The following SF3B3 variants were observed in gnomAD, a reference collection of about 807,000 sequenced individuals.
SF3B3 encodes SAP 130.
SF3B3 carries 33 observed loss-of-function variants against 139.2 expected under a neutral mutation model. The ratio of observed to expected loss-of-function variants is 0.24; its 90% confidence interval spans 0.18 to 0.32. SF3B3 has a LOEUF of 0.32. SF3B3 is among the 10% of genes least tolerant of loss of function. The pLI is 1.00. For synonymous variants in SF3B3, 596 were observed against 563.6 expected (o/e 1.06, Z -0.81); for missense variants, 818 against 1,509.4 (o/e 0.54, Z 7.59).
At chr16:70,569,278 T>TA (rs2050506415) in intron 23 of SF3B3, 137 bp downstream of exon 23, 3 of 587,860 alleles carry the variant, frequency 5.1e-6, no homozygotes, top group Non-Finnish European at 8.9e-6. Flanking sequence ...AGTCCTTTCT[T>TA]ACCAATCTGC....
At chr16:70,527,974 A>C (rs2050080832) in intron 2 of SF3B3, among the ~76,000 whole-genome samples, 1 of 151,572 alleles carries the variant, frequency 6.6e-6, no homozygotes, top group African/African-American at 2.4e-5. Context: ...ATGAGGTTTC[A>C]CCATATTGGC....
At chr16:70,538,013 AATG>A (rs775535052) in intron 6 of SF3B3, 1 of 562,700 alleles carries the variant, frequency 1.8e-6, no homozygotes, top group South Asian at 1.4e-5. Context: ...CACAGCCTGA[AATG>A]ATGACTCTTT....
chr16:70,529,221 C>T (rs748323426), intron 3 of SF3B3, 22 bp downstream of exon 3: 139 of 1,575,880 alleles, frequency 8.8e-5, no homozygotes, highest in Non-Finnish European at 1.1e-4. Flanking sequence ...ACTCTACTTG[C>T]TGTATATGCC....
At chr16:70,529,269 C>T in intron 3 of SF3B3, 70 bp downstream of exon 3, 1 of 1,269,286 alleles carries the variant, frequency 7.9e-7, no homozygotes, top group Non-Finnish European at 1.1e-6. Context: ...TGGTGGTGTG[C>T]CAGTGCCAAT....
At chr16:70,530,108 A>C (rs1444622016) in intron 3 of SF3B3, among the ~76,000 whole-genome samples, 10 of 149,474 alleles carry the variant, frequency 6.7e-5, no homozygotes, top group Non-Finnish European at 3.0e-5. Flanking sequence ...CCCGGACGAC[A>C]GAGTGAGACT....
intron 6 of SF3B3, among the ~76,000 whole-genome samples, chr16:70,535,975 A>G (rs1597708293): frequency 6.6e-6 from 1 of 152,296 alleles, no homozygotes; most frequent in South Asian, 2.1e-4. Flanking sequence ...TTCTAAGATA[A>G]TGGCTCCCGA....
At chr16:70,564,108 G>A (rs2151793119) in intron 18 of SF3B3, 58 bp downstream of exon 18, 2 of 1,562,404 alleles carry the variant, frequency 1.3e-6, no homozygotes, top group East Asian at 2.3e-5. Flanking sequence ...ATGTTGAAAA[G>A]TTTAAACTGC....
chr16:70,555,267 T>G, intron 13 of SF3B3, 61 bp downstream of exon 13: 1 of 1,445,230 alleles, frequency 6.9e-7, no homozygotes, highest in Non-Finnish European at 9.7e-7. Flanking sequence ...AAGATGGGCA[T>G]TGTAGTCTAG....
In SF3B3 at chr16:70,573,821, C is replaced by G. The variant is rs979652909; in HGVS notation, c.*2008C>G. ...TTCCATCCTGTTCCATTGCTAAGCC[C>G]TTGTGACTTGGATCCTAGGACTGAA... On this transcript the variant is annotated 3_prime_UTR_variant, in exon 26 of 26. Coordinates refer to ENST00000302516, the MANE Select transcript of SF3B3 (RefSeq NM_012426.5). 6.6e-6 allele frequency: 1 copy of G among 152,200 alleles called. No individual in the cohort carries two copies. Among genetic ancestry groups the G allele is most frequent in the Admixed American group, 6.5e-5 (1 of 15,286 alleles). The allele number at this position is 152,200 out of a possible 1,614,324, so 9.4% of individuals were successfully genotyped here. A position where few individuals can be genotyped will look rare whatever the true frequency, so the allele number is the denominator to read the frequency against.
chr16:70,534,239 A>T (rs529140729), intron 5 of SF3B3, among the ~76,000 whole-genome samples: 60 of 152,336 alleles, frequency 3.9e-4, no homozygotes, highest in African/African-American at 1.3e-3. Context: ...CAGCATTTAC[A>T]AAAGCCTAAA....
chr16:70,562,777 A>G (rs555460315), intron 17 of SF3B3, among the ~76,000 whole-genome samples: 5 of 152,344 alleles, frequency 3.3e-5, no homozygotes, highest in Admixed American at 1.3e-4. Context: ...CTTATGAGAC[A>G]TAAAAGCAGA....
In SF3B3 at chr16:70,575,007, G is replaced by C. The variant is rs961787616; in HGVS notation, c.*3194G>C. 2.6e-5 allele frequency: 4 copies of C among 152,040 alleles called. No homozygotes were observed. The highest frequency in any genetic ancestry group is 9.7e-5 in the African/African-American group (4 of 41,390). 9.4% of individuals were successfully genotyped at this position (152,040 alleles called of 1,614,324 possible). On this transcript the variant is annotated 3_prime_UTR_variant, in exon 26 of 26. Transcript: ENST00000302516. Reference sequence around the variant, plus strand: ...CGGAGGAAAGGAATAGATGGCTCTCGAGGACAAGATAGGGACTCTTAAAAC... The same window carrying C: ...CGGAGGAAAGGAATAGATGGCTCTCCAGGACAAGATAGGGACTCTTAAAAC...
At chr16:70,560,437 C>T (rs2050418474) in intron 15 of SF3B3, 32 bp from the exon 16 acceptor site, 2 of 1,606,196 alleles carry the variant, frequency 1.2e-6, no homozygotes, top group South Asian at 2.2e-5. Flanking sequence ...AAGCTTCCAT[C>T]AGGCTTCACC....
rs2151795244 is a variant in SF3B3 at position 70,568,285 on chromosome 16, T to C, written c.2955T>C (p.His985=). ...KKLLRKCENK[H]IANYISGIQT... is the part of the protein sequence containing the mutation. ...ACTATTGTCTTTGTTTTTCCCAGCA[T>C]ATTGCCAATTATATCTCTGGGATCC... Residue 985 remains histidine, a splice_region_variant and synonymous_variant, in exon 22 of 26, where the codon CAT becomes CAC. Transcript: ENST00000302516. 3 of 1,608,052 alleles carry C rather than the reference T, an allele frequency of 1.9e-6. No homozygotes were observed. The Middle Eastern group carries it at 5.0e-4, about 266-fold the overall frequency.
intron 5 of SF3B3, among the ~76,000 whole-genome samples, chr16:70,533,762 TG>T (rs1479614524): frequency 2.0e-5 from 3 of 152,216 alleles, no homozygotes; most frequent in Admixed American, 6.5e-5. Context: ...AGATGTTGTT[TG>T]GGGAAGATAC....
chr16:70,565,358 C>T lies in SF3B3; in HGVS notation c.2670-10C>T, dbSNP rs780847551. 3 of 1,614,006 alleles carry T rather than the reference C, an allele frequency of 1.9e-6. No individual in the cohort carries two copies. The highest frequency in any genetic ancestry group is 2.5e-6 in the Non-Finnish European group (3 of 1,179,950). ...TAAGGCCTTACTCTTGCTTCTTATT[C>T]TGTGTGTAGTGTGGCTGTGTGCAGG... On this transcript the variant is annotated splice_polypyrimidine_tract_variant and intron_variant, in intron 19 of 25. Coordinates refer to ENST00000302516, the MANE Select transcript of SF3B3 (RefSeq NM_012426.5).
chr16:70,539,853 C>T (rs1321721597), intron 8 of SF3B3, among the ~76,000 whole-genome samples: 3 of 150,618 alleles, frequency 2.0e-5, no homozygotes, highest in South Asian at 2.1e-4. Flanking sequence ...CTCGGCTCAC[C>T]GCAACCTCTG....
In SF3B3 at chr16:70,556,170, C is replaced by T. The variant is rs2050378357; in HGVS notation, c.1711-9C>T. Reference sequence around the variant, plus strand: ...TAGTTTTGACCTTGCTGTGTCTTTCCTCCTGTAGTCAGGACAGCTGAATGA... The same window carrying T: ...TAGTTTTGACCTTGCTGTGTCTTTCTTCCTGTAGTCAGGACAGCTGAATGA... On this transcript the variant is annotated splice_polypyrimidine_tract_variant and intron_variant, in intron 13 of 25. Coordinates refer to ENST00000302516, the MANE Select transcript of SF3B3 (RefSeq NM_012426.5). 7 of 1,614,114 alleles carry T rather than the reference C, an allele frequency of 4.3e-6. No homozygotes were observed. Among genetic ancestry groups the T allele is most frequent in the Non-Finnish European group, 5.9e-6 (7 of 1,179,982 alleles).
intron 10 of SF3B3, among the ~76,000 whole-genome samples, chr16:70,548,035 A>G (rs577748210): frequency 6.6e-4 from 101 of 152,300 alleles, no homozygotes; most frequent in African/African-American, 2.3e-3. Context: ...AAGAAAGGGG[A>G]TGCTAATTTA....
Sources: gnomAD v4.1 joint callset for allele counts (sites outside exome capture counted in the v4.1 genomes callset) on GRCh38, gnomAD v4.1.1 for gene constraint, MANE v1.5 for transcripts, NCBI Gene and HGNC (gene_info 2026-07-23, HGNC 2026-07-21) for gene names.